Variants in SHANK2 observed in about 807,000 individuals in gnomAD.
SHANK2 encodes SH3 and multiple ankyrin repeat domains protein 2.
SHANK2 carries 43 observed loss-of-function variants against 133.7 expected under a neutral mutation model. The observed-to-expected ratio is 0.32, with a 90% confidence interval of 0.25 to 0.41. The LOEUF is 0.41. SHANK2 is among the 10% of genes least tolerant of loss of function. The pLI is 1.00. For missense variants in SHANK2, 1,994 were observed against 2,235.8 expected (o/e 0.89, Z 2.18); for synonymous variants, 1,017 against 952.8 (o/e 1.07, Z -1.24).
At chr11:71,158,364 C>T (rs1952943343) in intron 2 of SHANK2, among the ~76,000 whole-genome samples, 1 of 151,982 alleles carries the variant, frequency 6.6e-6, no homozygotes, top group African/African-American at 2.4e-5. Flanking sequence ...ATACCACCAA[C>T]AATAACCAAA....
At chr11:70,842,182 C>A (rs959007858) in intron 11 of SHANK2, among the ~76,000 whole-genome samples, 3 of 152,166 alleles carry the variant, frequency 2.0e-5, no homozygotes, top group Non-Finnish European at 2.9e-5. Flanking sequence ...TATATGAAAT[C>A]TCATTATGTT....
chr11:71,076,052 C>T (rs1435567258), intron 8 of SHANK2, among the ~76,000 whole-genome samples: 2 of 152,188 alleles, frequency 1.3e-5, no homozygotes, highest in Non-Finnish European at 2.9e-5. Context: ...CACCACAGGG[C>T]CTCACACGAG....
chr11:70,481,413 C>A (rs1555151558), intron 25 of SHANK2, among the ~76,000 whole-genome samples: 3 of 152,140 alleles, frequency 2.0e-5, no homozygotes, highest in Non-Finnish European at 4.4e-5. Flanking sequence ...CAGCTGCTTC[C>A]TTTGATCCCA....
chr11:70,541,805 C>A (rs1314735987), intron 17 of SHANK2, among the ~76,000 whole-genome samples: 1 of 152,250 alleles, frequency 6.6e-6, no homozygotes, highest in African/African-American at 2.4e-5. Context: ...CAGTCCCCCA[C>A]AACAGAGAAT....
chr11:70,890,315 C>G (rs1263814864), intron 11 of SHANK2, among the ~76,000 whole-genome samples: 1 of 151,818 alleles, frequency 6.6e-6, no homozygotes, highest in Non-Finnish European at 1.5e-5. Context: ...ACCAGCCTGG[C>G]CAATATGGTG....
intron 14 of SHANK2, among the ~76,000 whole-genome samples, chr11:70,729,312 T>C (rs1555031470): frequency 6.7e-6 from 1 of 150,018 alleles, no homozygotes; most frequent in Non-Finnish European, 1.5e-5. Context: ...AAGGGCTCTA[T>C]CTACACATGT....
chr11:70,663,488 C>T (rs115794451), intron 15 of SHANK2, among the ~76,000 whole-genome samples: 14 of 152,288 alleles, frequency 9.2e-5, no homozygotes, highest in Admixed American at 4.6e-4. Context: ...GCTCTTCTCA[C>T]CACTCCACGC....
At chr11:70,717,826 G>C (rs1945975532) in intron 14 of SHANK2, among the ~76,000 whole-genome samples, 1 of 146,320 alleles carries the variant, frequency 6.8e-6, no homozygotes, top group Non-Finnish European at 1.5e-5. Flanking sequence ...AAAAAAAAAA[G>C]TTGCAGCCCT....
At chr11:70,606,306 C>T (rs782222802) in intron 17 of SHANK2, among the ~76,000 whole-genome samples, 2 of 152,040 alleles carry the variant, frequency 1.3e-5, no homozygotes, top group Non-Finnish European at 2.9e-5. Context: ...GATCCCAATG[C>T]TATGGGAGGC....
intron 17 of SHANK2, among the ~76,000 whole-genome samples, chr11:70,531,806 C>A (rs1395454434): frequency 6.6e-6 from 1 of 152,108 alleles, no homozygotes; most frequent in African/African-American, 2.4e-5. Flanking sequence ...TGCTGGCTGG[C>A]CCCCCACTGA....
intron 2 of SHANK2, among the ~76,000 whole-genome samples, chr11:71,202,957 T>C (rs1233970829): frequency 6.6e-6 from 1 of 152,218 alleles, no homozygotes; most frequent in Non-Finnish European, 1.5e-5. Context: ...ACTTTGACCC[T>C]TTTTCTCTGT....
chr11:71,119,011 C>T lies in SHANK2; in HGVS notation c.229G>A (p.Asp77Asn), dbSNP rs1555100969. 1.3e-6 allele frequency: 2 copies of T among 1,551,678 alleles called. No individual in the cohort carries two copies. Residue 77 changes from aspartate (D) to asparagine (N), a missense_variant, in exon 4 of 26, where the codon GAT becomes AAT. Asp to Asn is a conservative substitution (Grantham distance 23, BLOSUM62 1). Coordinates refer to ENST00000601538, the MANE Select transcript of SHANK2 (RefSeq NM_012309.5). Reference sequence around the variant, plus strand: ...TGCTTTGCAACCCACACTGTGGCATCCGGGTTAAATCGAATGCATTTCTGC... The same window carrying T: ...TGCTTTGCAACCCACACTGTGGCATTCGGGTTAAATCGAATGCATTTCTGC... ...QQTKCIRFNP[D>N]ATVWVAKQRI...
At chr11:70,701,868 A>G (rs1945528734) in intron 14 of SHANK2, among the ~76,000 whole-genome samples, 1 of 151,920 alleles carries the variant, frequency 6.6e-6, no homozygotes, top group African/African-American at 2.4e-5. Flanking sequence ...GATCATTATC[A>G]CCATCACCAC....
chr11:70,804,335 C>T lies in SHANK2; in HGVS notation c.1663+2667G>A, dbSNP rs540993017. 9.5e-4 allele frequency among the ~76,000 whole-genome samples: 145 copies of T among 152,334 alleles called. 1 individual carries two copies. In the Middle Eastern group the frequency reaches 0.01, roughly 11 times the overall value. On this transcript the variant is annotated intron_variant, in intron 13 of 25. Transcript: ENST00000601538. This position sits in a 1 kb window ranked among gnomAD's most constrained non-coding sequence, Gnocchi z 4.1. The stretch of plus-strand genomic sequence containing the variant: ...CGATGGGGAGGAGGCACCGACAGCT[C>T]GGCAGGAAGGAAGAGCGGTGCCACT...
chr11:70,917,918 A>G (rs947884601), intron 10 of SHANK2, among the ~76,000 whole-genome samples: 5 of 152,186 alleles, frequency 3.3e-5, no homozygotes, highest in African/African-American at 1.2e-4. Flanking sequence ...TAGGTTTAAT[A>G]CCTGGTTGAT....
intron 17 of SHANK2, chr11:70,631,993 T>C (rs1350769550): frequency 6.6e-6 from 1 of 152,234 alleles, no homozygotes; most frequent in Non-Finnish European, 1.5e-5. Flanking sequence ...CTAATTAGAT[T>C]CCCCCTTATT....
At chr11:70,838,458 T>C (rs1249245104) in intron 11 of SHANK2, among the ~76,000 whole-genome samples, 2 of 152,122 alleles carry the variant, frequency 1.3e-5, no homozygotes, top group East Asian at 3.8e-4. Flanking sequence ...TGTGTTTAGT[T>C]TTTCAAGTAG....
In SHANK2 at chr11:70,747,133, G is replaced by A. The variant is rs370045589; in HGVS notation, c.1778-48370C>T. On this transcript the variant is annotated intron_variant, in intron 14 of 25. Coordinates refer to ENST00000601538, the MANE Select transcript of SHANK2 (RefSeq NM_012309.5). Reference sequence around the variant, plus strand: ...GACTGGGCTGCATGGGGACAAGCCCGAGGTGGTAAGACTCCGCTTGGGTTC... The same window carrying A: ...GACTGGGCTGCATGGGGACAAGCCCAAGGTGGTAAGACTCCGCTTGGGTTC... 4.9e-3 allele frequency among the ~76,000 whole-genome samples: 738 copies of A among 151,844 alleles called. 21 individuals are homozygous for A. The South Asian group carries it at 0.066, about 14-fold the overall frequency.
At chr11:70,483,361 G>A (rs1414623263) in intron 25 of SHANK2, among the ~76,000 whole-genome samples, 9 of 152,046 alleles carry the variant, frequency 5.9e-5, no homozygotes, top group East Asian at 5.8e-4. Flanking sequence ...AATGACGGAA[G>A]AGCCACATTA....
Sources: allele counts gnomAD v4.1 joint callset (sites outside exome capture counted in the v4.1 genomes callset), GRCh38; gene constraint gnomAD v4.1.1; non-coding constraint Gnocchi (gnomAD v3.1); transcripts MANE v1.5; gene names NCBI Gene and HGNC (gene_info 2026-07-23, HGNC 2026-07-21).